TNPO3: variants seen among roughly 807,000 people sequenced by gnomAD.
The protein encoded by TNPO3 is transportin-3.
TNPO3 carries 65 observed loss-of-function variants against 122.8 expected under a neutral mutation model. That is an observed-to-expected ratio of 0.53 (90% CI 0.43 to 0.65). The LOEUF is 0.65. Among genes scored for constraint, TNPO3 ranks in the 30% least tolerant of loss-of-function variants. TNPO3 has a pLI of 0.00. For synonymous variants in TNPO3, 372 were observed against 411.2 expected, an observed-to-expected ratio of 0.90 and a Z score of 1.15; for missense variants, 850 against 1,136.7, an observed-to-expected ratio of 0.75 and a Z score of 3.63.
At chr7:128,967,780 T>C (rs1798070115) in intron 20 of TNPO3, among the ~76,000 whole-genome samples, 1 of 152,144 alleles carries the variant, frequency 6.6e-6, no homozygotes, top group Non-Finnish European at 1.5e-5. Flanking sequence ...TCTCTCTTTT[T>C]TGAGATAGGG....
intron 4 of TNPO3, among the ~76,000 whole-genome samples, chr7:129,008,007 G>C (rs1302904930): frequency 2.0e-5 from 3 of 151,990 alleles, no homozygotes; most frequent in Non-Finnish European, 4.4e-5. Context: ...AAATTAGCCA[G>C]GTGTGGTGGC....
chr7:129,005,463 T>C (rs1458738663), intron 4 of TNPO3, among the ~76,000 whole-genome samples: 1 of 152,176 alleles, frequency 6.6e-6, no homozygotes, highest in Non-Finnish European at 1.5e-5. Context: ...CCAAATTTCA[T>C]GTCAAATTGT....
intron 16 of TNPO3, among the ~76,000 whole-genome samples, chr7:128,976,381 C>T (rs1400306262): frequency 6.6e-6 from 1 of 152,190 alleles, no homozygotes; most frequent in Admixed American, 6.5e-5. Flanking sequence ...TTGAGTTGCT[C>T]CTAAACCTAT....
chr7:129,001,007 A>C, intron 6 of TNPO3, 52 bp downstream of exon 6: 1 of 1,577,150 alleles, frequency 6.3e-7, no homozygotes, highest in Non-Finnish European at 8.7e-7. Flanking sequence ...GACTTAAAAG[A>C]ATGACCAGAC....
chr7:129,034,966 T>C (rs1806433137), intron 1 of TNPO3, among the ~76,000 whole-genome samples: 1 of 146,550 alleles, frequency 6.8e-6, no homozygotes, highest in South Asian at 2.2e-4. Flanking sequence ...ATCATTTATC[T>C]CTTCAACTTT....
chr7:129,053,087 G>C (rs1259120758), intron 1 of TNPO3, among the ~76,000 whole-genome samples: 1 of 152,148 alleles, frequency 6.6e-6, no homozygotes, highest in East Asian at 1.9e-4. Flanking sequence ...CACTTTGGGA[G>C]GCCGAGGCGG....
chr7:128,966,994 A>G (rs925677910), intron 21 of TNPO3, among the ~76,000 whole-genome samples: 3 of 152,240 alleles, frequency 2.0e-5, no homozygotes, highest in Admixed American at 6.5e-5. Flanking sequence ...AAATATAGAC[A>G]GATCTCCTGA....
Position 128,993,935 on chromosome 7 carries a change from A to C in TNPO3, c.1159-21T>G, listed in dbSNP as rs942125955. The C allele has an allele frequency of 1.9e-6, 3 of 1,592,564 alleles. No individual in the cohort carries two copies. Among genetic ancestry groups the C allele is most frequent in the Non-Finnish European group, 2.6e-6 (3 of 1,161,596 alleles). ...CCCTCCTAAAATATCAAATCAGATA[A>C]CATCTGCTTTAAACTCACTGCGGCT... On this transcript the variant is annotated intron_variant, in intron 8 of 22. Transcript: ENST00000265388.
At chr7:129,042,900 T>C (rs1391634944) in intron 1 of TNPO3, among the ~76,000 whole-genome samples, 1 of 150,288 alleles carries the variant, frequency 6.7e-6, no homozygotes, top group Non-Finnish European at 1.5e-5. Flanking sequence ...AGAAAAGTAA[T>C]CATAAATCTC....
chr7:128,990,490 C>A (rs1381800459), intron 10 of TNPO3, among the ~76,000 whole-genome samples: 1 of 152,164 alleles, frequency 6.6e-6, no homozygotes, highest in Admixed American at 6.5e-5. Context: ...ACATAGTGGG[C>A]ACTCAATAAA....
chr7:129,044,452 C>T (rs1275115174), intron 1 of TNPO3, among the ~76,000 whole-genome samples: 2 of 152,164 alleles, frequency 1.3e-5, no homozygotes, highest in African/African-American at 4.8e-5. Flanking sequence ...ACTCTGTTAA[C>T]AGAAAACCCA....
intron 1 of TNPO3, among the ~76,000 whole-genome samples, chr7:129,027,660 G>A (rs1805412412): frequency 6.7e-6 from 1 of 148,402 alleles, no homozygotes; most frequent in South Asian, 2.1e-4. Context: ...TAAAATATGA[G>A]GCCACAGTTC....
At chr7:128,966,377 C>G (rs1042840902) in intron 21 of TNPO3, among the ~76,000 whole-genome samples, 5 of 152,140 alleles carry the variant, frequency 3.3e-5, no homozygotes, top group Non-Finnish European at 5.9e-5. Context: ...GATTATAAGT[C>G]ATTGTCTAAA....
In TNPO3 at chr7:129,054,678, A is replaced by G; in HGVS notation, c.93T>C (p.Ser31=). Residue 31 remains serine (S), a synonymous_variant, in exon 1 of 23, where the codon TCT becomes TCC. Coordinates refer to ENST00000265388, the MANE Select transcript of TNPO3 (RefSeq NM_012470.4). The part of the protein sequence containing the change: ...DPDPSGKERA[S]FWLGELQRSV... ...AACGCTGCAGCTCCCCAAGCCAAAAAGAGGCGCGCTCCTTTCCGCTGGGAT... is the reference window on the plus strand; with the variant it reads ...AACGCTGCAGCTCCCCAAGCCAAAAGGAGGCGCGCTCCTTTCCGCTGGGAT... 6.2e-7 allele frequency: 1 copy of G among 1,614,130 alleles called. No homozygotes were observed. Among genetic ancestry groups the G allele is most frequent in the Middle Eastern group, 1.6e-4 (1 of 6,062 alleles).
chr7:129,054,320 G>C (rs751382489), intron 1 of TNPO3, among the ~76,000 whole-genome samples: 1 of 152,140 alleles, frequency 6.6e-6, no homozygotes, highest in Non-Finnish European at 1.5e-5. Context: ...GGTTGGATTT[G>C]GTGGGAGGAA....
At chr7:129,055,710 T>C (rs569181581), upstream of TNPO3, 175 of 269,834 alleles carry the variant, frequency 6.5e-4, 3 homozygotes, top group South Asian at 8.2e-3. Context: ...TATTCTCACA[T>C]TGAACTGTAT....
chr7:129,019,864 C>T (rs1012816160), intron 1 of TNPO3, among the ~76,000 whole-genome samples: 2 of 152,150 alleles, frequency 1.3e-5, no homozygotes, highest in East Asian at 3.9e-4. Flanking sequence ...GGTGTAGTGG[C>T]ACTCACCTGC....
intron 12 of TNPO3, among the ~76,000 whole-genome samples, chr7:128,985,748 A>G (rs908148064): frequency 5.3e-5 from 8 of 152,210 alleles, no homozygotes; most frequent in Non-Finnish European, 1.2e-4. Context: ...TTTGACTCTG[A>G]TTTATCTGTG....
intron 3 of TNPO3, among the ~76,000 whole-genome samples, chr7:129,015,866 G>T (rs1054018591): frequency 1.3e-5 from 2 of 151,652 alleles, no homozygotes; most frequent in East Asian, 1.9e-4. Flanking sequence ...AGAGAGGACG[G>T]GGTTCATTTT....
Sources: allele counts gnomAD v4.1 joint callset (sites outside exome capture counted in the v4.1 genomes callset), GRCh38; gene constraint gnomAD v4.1.1; transcripts MANE v1.5; gene names NCBI Gene and HGNC (gene_info 2026-07-23, HGNC 2026-07-21).